The following PAX5 variants were observed in gnomAD, a reference collection of about 807,000 sequenced individuals.
PAX5 encodes the protein paired box protein Pax-5.
A neutral mutation model predicts 43.7 loss-of-function variants in PAX5; 9 were observed. That is an observed-to-expected ratio of 0.21 (90% CI 0.12 to 0.36). The LOEUF is 0.36. Ranked by LOEUF, PAX5 falls within the 10% of genes least tolerant of loss-of-function variation. The probability of loss-of-function intolerance (pLI) is 1.00; values close to 1 mark genes in which losing one functional copy is unlikely to be tolerated. For synonymous variants in PAX5, 228 were observed against 214.3 expected (o/e 1.06, Z -0.56); for missense variants, 383 against 532.7 (o/e 0.72, Z 2.77).
intron 6 of PAX5, among the ~76,000 whole-genome samples, chr9:36,950,181 A>G (rs1449835902): frequency 6.6e-6 from 1 of 152,152 alleles, no homozygotes; most frequent in Non-Finnish European, 1.5e-5. Flanking sequence ...AGATAAAGTT[A>G]TCTGTCCTCT....
At chr9:37,016,678 T>C (rs1204081377) in intron 2 of PAX5, among the ~76,000 whole-genome samples, 1 of 152,262 alleles carries the variant, frequency 6.6e-6, no homozygotes, top group African/African-American at 2.4e-5. Flanking sequence ...CAGTTGAATC[T>C]GTTTTAAAAA....
At chr9:36,922,343 T>G (rs1830238111) in intron 7 of PAX5, among the ~76,000 whole-genome samples, 1 of 152,154 alleles carries the variant, frequency 6.6e-6, no homozygotes, top group Non-Finnish European at 1.5e-5. Context: ...TCCTGCTACC[T>G]CAAACCAGAC....
At chr9:36,921,680 A>G (rs1159485595) in intron 7 of PAX5, among the ~76,000 whole-genome samples, 2 of 152,188 alleles carry the variant, frequency 1.3e-5, no homozygotes, top group Non-Finnish European at 2.9e-5. Context: ...GCCAGTTTCT[A>G]TTATTGTTCG....
intron 5 of PAX5, among the ~76,000 whole-genome samples, chr9:36,999,371 C>T (rs180787295): frequency 6.6e-6 from 1 of 152,326 alleles, no homozygotes; most frequent in South Asian, 2.1e-4. Flanking sequence ...TTACTCTTTC[C>T]CCCAGTGTCA....
intron 2 of PAX5, among the ~76,000 whole-genome samples, chr9:37,017,028 T>C (rs1433719111): frequency 6.6e-6 from 1 of 152,226 alleles, no homozygotes; most frequent in Non-Finnish European, 1.5e-5. Context: ...TTTTCTGTAA[T>C]TGCCAAAAAA....
Position 37,032,365 on chromosome 9 carries a change from T to C in PAX5, c.46+1621A>G, listed in dbSNP as rs78928518. 7.0e-3 allele frequency among the ~76,000 whole-genome samples: 1,059 copies of C among 152,186 alleles called. 6 individuals are homozygous for C. Among genetic ancestry groups the C allele is most frequent in the African/African-American group, 0.024 (1,013 of 41,496 alleles). On this transcript the variant is annotated intron_variant, in intron 1 of 9. Transcript: ENST00000358127. Reference sequence around the variant, plus strand: ...ACATCCCCGCCTCATTCCCCACACATACACAACACCCACTTCCAGGCTCAG... The same window carrying C: ...ACATCCCCGCCTCATTCCCCACACACACACAACACCCACTTCCAGGCTCAG...
chr9:36,847,103 T>C (rs1822667354), intron 8 of PAX5, among the ~76,000 whole-genome samples, 174 bp from the exon 9 acceptor site: 1 of 152,214 alleles, frequency 6.6e-6, no homozygotes, highest in African/African-American at 2.4e-5. Flanking sequence ...AGTGGGCAGC[T>C]GTCACTGGCA....
At chr9:36,958,443 G>T (rs1833679635) in intron 6 of PAX5, among the ~76,000 whole-genome samples, 1 of 151,934 alleles carries the variant, frequency 6.6e-6, no homozygotes, top group Non-Finnish European at 1.5e-5. Flanking sequence ...AACTACGGGG[G>T]CCTGGCTGGA....
At chr9:36,942,968 C>T (rs544130511) in intron 6 of PAX5, among the ~76,000 whole-genome samples, 49 of 152,318 alleles carry the variant, frequency 3.2e-4, no homozygotes, top group Non-Finnish European at 5.6e-4. Context: ...GCGTAACACC[C>T]GCTGACCCTT....
At chr9:36,955,790 T>A (rs1416835848) in intron 6 of PAX5, among the ~76,000 whole-genome samples, 2 of 145,304 alleles carry the variant, frequency 1.4e-5, no homozygotes, top group South Asian at 2.2e-4. Flanking sequence ...AAAATATATA[T>A]ATATATATAT....
At chr9:36,865,872 G>A (rs556218200) in intron 8 of PAX5, among the ~76,000 whole-genome samples, 2 of 152,382 alleles carry the variant, frequency 1.3e-5, no homozygotes, top group South Asian at 2.1e-4. Context: ...GCAGTGAAGC[G>A]TGGGTCGCTC....
chr9:36,840,301 C>T lies in PAX5; in HGVS notation c.*259G>A. On this transcript the variant is annotated 3_prime_UTR_variant, in exon 10 of 10. Transcript: ENST00000358127. The stretch of plus-strand genomic sequence containing the variant: ...GGGCTGCGGTTATTTGCAGGACAGT[C>T]TATTGGTTTGCAGAGACCCAGTGGC... The T allele has an allele frequency of 1.7e-6, 1 of 592,884 alleles. No homozygotes were observed. Among genetic ancestry groups the T allele is most frequent in the South Asian group, 2.0e-5 (1 of 50,378 alleles). 36.7% of individuals were successfully genotyped at this position (592,884 alleles called of 1,614,324 possible).
At chr9:36,890,004 T>C (rs1469010586) in intron 7 of PAX5, among the ~76,000 whole-genome samples, 1 of 151,954 alleles carries the variant, frequency 6.6e-6, no homozygotes, top group Non-Finnish European at 1.5e-5. Flanking sequence ...CTTATCTCAT[T>C]TTGCTACCAG....
In PAX5 at chr9:36,840,498, G is replaced by T. The variant is rs1214663065; in HGVS notation, c.*62C>A. On this transcript the variant is annotated 3_prime_UTR_variant, in exon 10 of 10. Coordinates refer to ENST00000358127, the MANE Select transcript of PAX5 (RefSeq NM_016734.3). ...GGGCTCTCTGGCTATCTTCAGGAGG[G>T]CTGGGTGGCTGTCACCCTCAATAGG... 6 of 1,487,108 alleles carry T rather than the reference G, an allele frequency of 4.0e-6. No homozygotes were observed. The Admixed American group carries it at 5.9e-5, about 15-fold the overall frequency. 92.1% of individuals were successfully genotyped at this position (1,487,108 alleles called of 1,614,324 possible).
At chr9:37,006,247 T>C (rs1290151185) in intron 4 of PAX5, among the ~76,000 whole-genome samples, 1 of 152,146 alleles carries the variant, frequency 6.6e-6, no homozygotes, top group Non-Finnish European at 1.5e-5. Context: ...TTCTGTCTCA[T>C]GGTGAAAGCT....
Position 37,015,158 on chromosome 9 carries a change from A to G in PAX5, c.249T>C (p.Ile83=), listed in dbSNP as rs772654948. ...YETGSIKPGV[I]GGSKPKVATP... is the part of the protein sequence containing the mutation. The stretch of plus-strand genomic sequence containing the variant: ...TGGCGACCTTTGGTTTGGATCCTCC[A>G]ATTACCCCAGGCTTGATGCTTCCTG... The change falls in exon 3 of 10, where the codon ATT becomes ATC. Residue 83 remains isoleucine, a synonymous_variant. Transcript: ENST00000358127. The surrounding 1 kb of genome is among the most constrained non-coding windows in gnomAD (Gnocchi z 4.4). The G allele has an allele frequency of 6.2e-6, 10 of 1,614,206 alleles. No individual in the cohort carries two copies. The highest frequency in any genetic ancestry group is 8.5e-6 in the Non-Finnish European group (10 of 1,180,038).
At chr9:36,988,131 C>T (rs1007020682) in intron 5 of PAX5, among the ~76,000 whole-genome samples, 11 of 152,184 alleles carry the variant, frequency 7.2e-5, no homozygotes, top group Non-Finnish European at 1.5e-4. Context: ...TCCGGAAGGG[C>T]AGGACCTGAC....
intron 1 of PAX5, among the ~76,000 whole-genome samples, chr9:37,027,608 C>A (rs1287373626): frequency 1.3e-5 from 2 of 152,196 alleles, no homozygotes; most frequent in Admixed American, 1.3e-4. Flanking sequence ...CCTGCGTTGC[C>A]GCCGCCGCCG....
At chr9:36,876,611 G>A (rs1170042112) in intron 8 of PAX5, among the ~76,000 whole-genome samples, 1 of 152,204 alleles carries the variant, frequency 6.6e-6, no homozygotes, top group Admixed American at 6.5e-5. Context: ...GAATCAACTG[G>A]TTACACCAAT....
Sources: allele counts gnomAD v4.1 joint callset (sites outside exome capture counted in the v4.1 genomes callset), GRCh38; gene constraint gnomAD v4.1.1; non-coding constraint Gnocchi (gnomAD v3.1); transcripts MANE v1.5; gene names NCBI Gene and HGNC (gene_info 2026-07-23, HGNC 2026-07-21).